CLASP2: variants seen among roughly 807,000 people sequenced by gnomAD.
CLASP2 encodes CLIP-associating protein 2.
Under a neutral mutation model 194.4 loss-of-function variants are expected in CLASP2, and 47 were observed. The ratio of observed to expected loss-of-function variants is 0.24; its 90% confidence interval spans 0.19 to 0.31. The LOEUF (loss-of-function observed/expected upper bound fraction) is 0.31. Ranked by LOEUF, CLASP2 falls within the 10% of genes least tolerant of loss-of-function variation. CLASP2 has a pLI of 1.00. For synonymous variants in CLASP2, 619 were observed against 633.5 expected (o/e 0.98, Z 0.34); for missense variants, 1,445 against 1,823.6 (o/e 0.79, Z 3.78).
At chr3:33,604,856 T>C (rs1204576062) in intron 16 of CLASP2, among the ~76,000 whole-genome samples, 2 of 152,176 alleles carry the variant, frequency 1.3e-5, no homozygotes, top group Non-Finnish European at 2.9e-5. Flanking sequence ...TTCACTTGTA[T>C]CCTGAGATAT....
At chr3:33,559,868 T>A (rs761585929) in intron 28 of CLASP2, among the ~76,000 whole-genome samples, 41 of 152,010 alleles carry the variant, frequency 2.7e-4, no homozygotes, top group Non-Finnish European at 4.7e-4. Context: ...CACTCCAGCA[T>A]GGGCAACAAG....
At position 33,538,774 on chromosome 3, in the gene CLASP2, T is replaced by C; in HGVS notation, c.3558+15A>G. ...AATAAAATAGTCTGGAAAGTAAGGA[T>C]ATTAAAATACTTACTGAATCGCCAT... On this transcript the variant is annotated intron_variant, in intron 33 of 38. Coordinates refer to ENST00000682230, the MANE Select transcript of CLASP2 (RefSeq NM_001365631.1). 1.9e-6 allele frequency: 3 copies of C among 1,542,814 alleles called. No homozygotes were observed. Among genetic ancestry groups the C allele is most frequent in the African/African-American group, 1.4e-5 (1 of 72,122 alleles).
chr3:33,504,161 CAA>C (rs1047349774), intron 37 of CLASP2: 1 of 152,110 alleles, frequency 6.6e-6, no homozygotes, highest in South Asian at 2.1e-4. Context: ...CTGAGATGAA[CAA>C]AAGTTATTAA....
At chr3:33,574,382 G>A (rs9841413) in intron 24 of CLASP2, 203,881 of 762,744 alleles carry the variant, frequency 0.27, 29,428 homozygotes, top group Admixed American at 0.47. Flanking sequence ...CTTCTACTTT[G>A]ATTTTTAATA....
intron 29 of CLASP2, among the ~76,000 whole-genome samples, chr3:33,551,793 C>T (rs756588659): frequency 6.6e-6 from 1 of 152,172 alleles, no homozygotes; most frequent in African/African-American, 2.4e-5. Flanking sequence ...CTTAAATCAG[C>T]CCTCAGAGCT....
At chr3:33,622,620 T>G (rs2077290145) in intron 10 of CLASP2, among the ~76,000 whole-genome samples, 2 of 152,204 alleles carry the variant, frequency 1.3e-5, no homozygotes, top group Admixed American at 1.3e-4. Flanking sequence ...TAGGGAGTTT[T>G]TCTTTTAATT....
chr3:33,510,488 T>C, intron 37 of CLASP2, 70 bp downstream of exon 37: 2 of 1,435,358 alleles, frequency 1.4e-6, no homozygotes, highest in African/African-American at 1.4e-5. Flanking sequence ...TAATGATGCC[T>C]GGAAAGTACC....
intron 32 of CLASP2, among the ~76,000 whole-genome samples, chr3:33,541,681 T>C (rs1444150024): frequency 6.6e-6 from 1 of 152,228 alleles, no homozygotes; most frequent in Non-Finnish European, 1.5e-5. Flanking sequence ...TCTGTTTTTA[T>C]GGCCACATAG....
chr3:33,586,465 G>T (rs1410174019), intron 21 of CLASP2, among the ~76,000 whole-genome samples: 5 of 152,104 alleles, frequency 3.3e-5, no homozygotes, highest in Non-Finnish European at 5.9e-5. Context: ...AGTTTTGGAA[G>T]GTGGACATGT....
intron 29 of CLASP2, 128 bp downstream of exon 29, chr3:33,559,179 A>C: frequency 1.4e-6 from 1 of 731,508 alleles, no homozygotes; most frequent in Non-Finnish European, 2.4e-6. Flanking sequence ...TGACTGTCTG[A>C]AAGTTTATAA....
intron 7 of CLASP2, chr3:33,659,151 T>C (rs1053967791): frequency 2.1e-6 from 3 of 1,396,792 alleles, no homozygotes; most frequent in African/African-American, 2.9e-5. Flanking sequence ...AGCCAACAGC[T>C]GCTACTCCAC....
intron 33 of CLASP2, among the ~76,000 whole-genome samples, chr3:33,537,032 C>T (rs1421544690): frequency 1.3e-5 from 2 of 152,180 alleles, no homozygotes; most frequent in Admixed American, 1.3e-4. Flanking sequence ...CTTACAACAA[C>T]TTTTAAGGTA....
At chr3:33,589,718 C>A (rs1343941496) in intron 21 of CLASP2, among the ~76,000 whole-genome samples, 1 of 152,022 alleles carries the variant, frequency 6.6e-6, no homozygotes. Flanking sequence ...GAATGGGTTT[C>A]AAAGTGAAAA....
At chr3:33,711,469 A>G (rs2093005228) in intron 1 of CLASP2, among the ~76,000 whole-genome samples, 1 of 148,986 alleles carries the variant, frequency 6.7e-6, no homozygotes, top group Non-Finnish European at 1.5e-5. Flanking sequence ...CATGTTGGCC[A>G]GGCTGGTATC....
chr3:33,691,083 C>A (rs2091300341), intron 2 of CLASP2, among the ~76,000 whole-genome samples: 1 of 152,094 alleles, frequency 6.6e-6, no homozygotes, highest in African/African-American at 2.4e-5. Flanking sequence ...TGGTAATGCT[C>A]ACTTGCTGGC....
intron 34 of CLASP2, among the ~76,000 whole-genome samples, chr3:33,521,411 G>C (rs1326758507): frequency 6.6e-6 from 1 of 152,162 alleles, no homozygotes; most frequent in Admixed American, 6.5e-5. Flanking sequence ...ATGGAGCACA[G>C]TGAAACCATG....
chr3:33,640,340 C>T (rs548545066), intron 8 of CLASP2, among the ~76,000 whole-genome samples: 36 of 152,234 alleles, frequency 2.4e-4, no homozygotes, highest in African/African-American at 8.2e-4. Flanking sequence ...GATATTTGGA[C>T]ATTCTTTAAA....
intron 7 of CLASP2, among the ~76,000 whole-genome samples, chr3:33,658,769 T>C (rs2084757627): frequency 6.6e-6 from 1 of 151,926 alleles, no homozygotes; most frequent in Non-Finnish European, 1.5e-5. Flanking sequence ...GCTTGCCAGA[T>C]CCCACACAGA....
At chr3:33,533,834 C>G (rs1009447044) in intron 34 of CLASP2, among the ~76,000 whole-genome samples, 1 of 152,120 alleles carries the variant, frequency 6.6e-6, no homozygotes, top group African/African-American at 2.4e-5. Flanking sequence ...TCTCCTGCCT[C>G]AGCTCCCGAG....
Sources: allele counts gnomAD v4.1 joint callset (sites outside exome capture counted in the v4.1 genomes callset), GRCh38; gene constraint gnomAD v4.1.1; transcripts MANE v1.5; gene names NCBI Gene and HGNC (gene_info 2026-07-23, HGNC 2026-07-21).